The following WWOX variants were observed in gnomAD, a reference collection of about 807,000 sequenced individuals.
The protein encoded by WWOX is WW domain containing oxidoreductase, also known as WW domain-containing oxidoreductase.
WWOX carries 69 observed loss-of-function variants against 46.2 expected under a neutral mutation model. That is an observed-to-expected ratio of 1.49 (90% CI 1.23 to 1.82). WWOX has a LOEUF of 1.82. Ranked by LOEUF, WWOX falls within the 40% of genes most tolerant of loss-of-function variation. The pLI is 0.00. For synonymous variants in WWOX, 359 were observed against 202.6 expected (o/e 1.77, Z -6.56); for missense variants, 919 against 542.6 (o/e 1.69, Z -6.89).
chr16:78,662,856 C>G (rs1190897415), intron 8 of WWOX, among the ~76,000 whole-genome samples: 2 of 152,180 alleles, frequency 1.3e-5, no homozygotes, highest in East Asian at 1.9e-4. Flanking sequence ...CCACATGGGC[C>G]TCTGCAAAAG....
intron 8 of WWOX, among the ~76,000 whole-genome samples, chr16:78,735,418 C>G (rs2049066521): frequency 6.6e-6 from 1 of 151,550 alleles, no homozygotes; most frequent in South Asian, 2.1e-4. Context: ...CACACACACA[C>G]ACACACACTA....
intron 8 of WWOX, among the ~76,000 whole-genome samples, chr16:78,958,873 A>T (rs944002694): frequency 6.6e-6 from 1 of 152,194 alleles, no homozygotes; most frequent in African/African-American, 2.4e-5. Flanking sequence ...AGAAAAAAAC[A>T]TGTTTGTTGC....
At chr16:78,466,198 A>AT (rs2084073036) in intron 8 of WWOX, among the ~76,000 whole-genome samples, 2 of 151,846 alleles carry the variant, frequency 1.3e-5, no homozygotes. Flanking sequence ...TGCTTGGCTA[A>AT]TTTTTTGTGT....
At chr16:78,386,677 C>T (rs2082068003) in intron 5 of WWOX, among the ~76,000 whole-genome samples, 183 bp from the exon 6 acceptor site, 1 of 145,276 alleles carries the variant, frequency 6.9e-6, no homozygotes, top group Non-Finnish European at 1.5e-5. Flanking sequence ...AGCCTCACAT[C>T]CTCCCCGAAC....
rs979897101 is a variant in WWOX at position 79,081,883 on chromosome 16, G to C, written c.1057-129725G>C. Among the ~76,000 whole-genome samples the C allele has an allele frequency of 2.6e-5, 4 of 152,074 alleles. No homozygotes were observed. In the East Asian group the frequency reaches 7.7e-4, roughly 29 times the overall value. ...GGTTAGGACCCCTTTTTCTATCCTA[G>C]TTTCACTCTGATGGGCGAGTTCACT... On this transcript the variant is annotated intron_variant, in intron 8 of 8. Transcript: ENST00000566780.
At chr16:78,646,856 C>T (rs144190621) in intron 8 of WWOX, among the ~76,000 whole-genome samples, 1 of 152,284 alleles carries the variant, frequency 6.6e-6, no homozygotes, top group East Asian at 1.9e-4. Flanking sequence ...ACTAACTCTG[C>T]TGTGTCACGC....
chr16:78,310,614 G>C (rs933359417), intron 5 of WWOX, among the ~76,000 whole-genome samples: 1 of 152,190 alleles, frequency 6.6e-6, no homozygotes, highest in Non-Finnish European at 1.5e-5. Flanking sequence ...CCATGTGCCA[G>C]TCACAGTGGA....
chr16:78,572,457 G>A (rs1458748903), intron 8 of WWOX, among the ~76,000 whole-genome samples: 3 of 151,822 alleles, frequency 2.0e-5, no homozygotes, highest in African/African-American at 7.3e-5. Flanking sequence ...TAGCCAGTGT[G>A]GTATCATGTG....
At chr16:78,810,756 C>T (rs115857345) in intron 8 of WWOX, among the ~76,000 whole-genome samples, 2,127 of 152,240 alleles carry the variant, frequency 0.014, 38 homozygotes, top group African/African-American at 0.048. Flanking sequence ...GTAGGAATAA[C>T]TCTATGAAGA....
chr16:78,438,764 G>A (rs769309838), intron 8 of WWOX, among the ~76,000 whole-genome samples: 1 of 152,106 alleles, frequency 6.6e-6, no homozygotes, highest in African/African-American at 2.4e-5. Flanking sequence ...TCCTGTGCCC[G>A]TGTAAAGCCA....
intron 8 of WWOX, among the ~76,000 whole-genome samples, chr16:79,144,053 A>G (rs900496442): frequency 2.0e-5 from 3 of 152,138 alleles, no homozygotes. Flanking sequence ...ACAGGCCTCC[A>G]TACCCAGCTA....
At chr16:78,905,816 G>C (rs571365944) in intron 8 of WWOX, among the ~76,000 whole-genome samples, 3 of 152,248 alleles carry the variant, frequency 2.0e-5, no homozygotes, top group East Asian at 3.9e-4. Flanking sequence ...GAGCTAAGGG[G>C]GAATCTGGAT....
At chr16:78,885,453 A>T (rs1489794962) in intron 8 of WWOX, among the ~76,000 whole-genome samples, 1 of 152,166 alleles carries the variant, frequency 6.6e-6, no homozygotes, top group Non-Finnish European at 1.5e-5. Flanking sequence ...TAAACATCTT[A>T]TTCTGGGCTC....
intron 8 of WWOX, among the ~76,000 whole-genome samples, chr16:78,726,102 TCCCTCC>T (rs2048827349): frequency 3.6e-5 from 3 of 83,606 alleles, no homozygotes; most frequent in Non-Finnish European, 6.9e-5. Flanking sequence ...CCTCCCTCCC[TCCCTCC>T]CTCTCTGCCT....
intron 8 of WWOX, among the ~76,000 whole-genome samples, chr16:79,069,682 C>G (rs567750915): frequency 6.6e-6 from 1 of 151,636 alleles, no homozygotes; most frequent in Non-Finnish European, 1.5e-5. Flanking sequence ...TGTCAGTGTG[C>G]AAATAGAAAG....
chr16:79,083,713 C>T (rs1051032400), intron 8 of WWOX, among the ~76,000 whole-genome samples: 2 of 152,162 alleles, frequency 1.3e-5, no homozygotes, highest in Non-Finnish European at 2.9e-5. Context: ...CACTAACACC[C>T]GGCCCTGAAT....
intron 8 of WWOX, among the ~76,000 whole-genome samples, chr16:79,186,139 G>A (rs1019189347): frequency 1.3e-5 from 2 of 152,136 alleles, no homozygotes; most frequent in African/African-American, 4.8e-5. Context: ...GTTCCTAAAG[G>A]ATACATCCAG....
chr16:79,101,780 C>G (rs370313520), intron 8 of WWOX: 3 of 149,858 alleles, frequency 2.0e-5, no homozygotes, highest in South Asian at 2.1e-4. Context: ...TTCCTGCTTT[C>G]ACATCTACTT....
At chr16:78,656,486 G>C (rs1486312323) in intron 8 of WWOX, among the ~76,000 whole-genome samples, 1 of 152,162 alleles carries the variant, frequency 6.6e-6, no homozygotes. Context: ...GAAGATGAAA[G>C]GGAAGCAGGC....
Sources: allele counts gnomAD v4.1 joint callset (sites outside exome capture counted in the v4.1 genomes callset), GRCh38; gene constraint gnomAD v4.1.1; transcripts MANE v1.5; gene names NCBI Gene and HGNC (gene_info 2026-07-23, HGNC 2026-07-21).